P2RY14: variants seen among roughly 807,000 people sequenced by gnomAD.
The protein encoded by P2RY14 is P2Y purinoceptor 14.
Under a neutral mutation model 0.9 loss-of-function variants are expected in P2RY14, and 2 were observed. The ratio of observed to expected loss-of-function variants is 2.16; its 90% confidence interval spans 0.88 to 6.79. The LOEUF (loss-of-function observed/expected upper bound fraction) is 6.79. P2RY14 is among the 30% of genes most tolerant of loss of function. P2RY14 has a pLI of 0.05. For synonymous variants in P2RY14, 158 were observed against 147.2 expected (o/e 1.07, Z -0.53); for missense variants, 378 against 400.1 (o/e 0.94, Z 0.47).
chr3:151,275,680 G>T, intron 1 of P2RY14, among the ~76,000 whole-genome samples: 1 of 152,046 alleles, frequency 6.6e-6, no homozygotes, highest in East Asian at 1.9e-4. Context: ...AGGGTGCTAG[G>T]GAGGAAAAGA....
chr3:151,262,786 A>G (rs1010053333), intron 1 of P2RY14, among the ~76,000 whole-genome samples: 1 of 152,172 alleles, frequency 6.6e-6, no homozygotes, highest in Admixed American at 6.5e-5. Context: ...ATTGTATGCC[A>G]GATACTGTTC....
At chr3:151,235,486 A>T (rs921889604) in intron 1 of P2RY14, among the ~76,000 whole-genome samples, 1 of 152,152 alleles carries the variant, frequency 6.6e-6, no homozygotes, top group Non-Finnish European at 1.5e-5. Flanking sequence ...TGGGCAGATC[A>T]TGAGGTCAGG....
At chr3:151,225,491 A>AATACC in intron 1 of P2RY14, among the ~76,000 whole-genome samples, 1 of 152,246 alleles carries the variant, frequency 6.6e-6, no homozygotes, top group African/African-American at 2.4e-5. Flanking sequence ...AATACCATTA[A>AATACC]TTTGCTCACG....
chr3:151,267,329 G>C (rs1740031974), intron 1 of P2RY14, among the ~76,000 whole-genome samples: 1 of 152,182 alleles, frequency 6.6e-6, no homozygotes, highest in Admixed American at 6.5e-5. Context: ...AATACTTCAT[G>C]AGAAAAGGAA....
At chr3:151,250,135 TTCAC>T (rs1221392370) in intron 1 of P2RY14, among the ~76,000 whole-genome samples, 1 of 152,184 alleles carries the variant, frequency 6.6e-6, no homozygotes, top group Non-Finnish European at 1.5e-5. Flanking sequence ...CACTTTCCCA[TTCAC>T]TCTGTAATCT....
At chr3:151,257,505 G>C (rs80218899) in intron 1 of P2RY14, among the ~76,000 whole-genome samples, 3 of 152,248 alleles carry the variant, frequency 2.0e-5, no homozygotes, top group Admixed American at 2.0e-4. Context: ...CACCCTCATC[G>C]TTAGGAGAAT....
intron 1 of P2RY14, among the ~76,000 whole-genome samples, chr3:151,249,684 A>G (rs77876837): frequency 3.6e-4 from 55 of 152,248 alleles, no homozygotes; most frequent in East Asian, 1.4e-3. Flanking sequence ...TGGGTCTCCA[A>G]TCATTCTTCG....
chr3:151,269,355 G>A lies in P2RY14; in HGVS notation c.-133+8932C>T, dbSNP rs143136470. The A allele has an allele frequency of 5.7e-4, 94 of 163,842 alleles. No homozygotes were observed. In the East Asian group the frequency reaches 7.1e-3, roughly 12 times the overall value. The allele number at this position is 163,842 out of a possible 1,614,324, so 10.1% of individuals were successfully genotyped here. ...GTGGAGGTTGCAGTGACCTGAGATC[G>A]TGCCATTGCACTCCAGCCTGGGCAA... On this transcript the variant is annotated intron_variant, in intron 1 of 2. Transcript: ENST00000309170.
At chr3:151,260,143 G>A (rs1738586469) in intron 1 of P2RY14, among the ~76,000 whole-genome samples, 3 of 152,300 alleles carry the variant, frequency 2.0e-5, no homozygotes, top group Non-Finnish European at 4.4e-5. Context: ...GTGTGTTTCA[G>A]TTGTGGAAAG....
At chr3:151,233,522 TG>T (rs1470112759) in intron 1 of P2RY14, among the ~76,000 whole-genome samples, 2 of 151,892 alleles carry the variant, frequency 1.3e-5, no homozygotes, top group African/African-American at 4.8e-5. Flanking sequence ...TCACCTGAGG[TG>T]GGGAGTTTGA....
At chr3:151,254,689 G>A (rs901604281) in intron 1 of P2RY14, among the ~76,000 whole-genome samples, 10 of 152,168 alleles carry the variant, frequency 6.6e-5, no homozygotes, top group Admixed American at 4.6e-4. Flanking sequence ...TAAAACTTTC[G>A]CAGCATAGAT....
At chr3:151,228,963 C>T (rs1731074107) in intron 1 of P2RY14, among the ~76,000 whole-genome samples, 6 of 152,192 alleles carry the variant, frequency 3.9e-5, no homozygotes, top group Admixed American at 3.9e-4. Context: ...AAGCAGTACT[C>T]AGATCTGCAG....
At position 151,213,328 on chromosome 3, in the gene P2RY14, G is replaced by A. The variant is rs756408940; in HGVS notation, c.989C>T (p.Thr330Ile). 117 of 1,611,886 alleles carry A rather than the reference G, an allele frequency of 7.3e-5. No homozygotes were observed. The highest frequency in any genetic ancestry group is 9.4e-5 in the Non-Finnish European group (111 of 1,179,256). Residue 330 changes from threonine to isoleucine, a missense_variant, in exon 3 of 3, where the codon ACA becomes ATA. Thr to Ile is a moderately conservative substitution (Grantham distance 89). Coordinates refer to ENST00000309170, the MANE Select transcript of P2RY14 (RefSeq NM_014879.4). ...LDISRIKRGN[T>I]TLESTDTL ...CAAAGTATCTGTGCTTTCAAGTGTT[G>A]TATTTCCTCTTTTGATTCTGGAAAT...
At chr3:151,217,261 T>C (rs900435036) in intron 2 of P2RY14, among the ~76,000 whole-genome samples, 1 of 152,238 alleles carries the variant, frequency 6.6e-6, no homozygotes, top group African/African-American at 2.4e-5. Flanking sequence ...CCTTTTCTTA[T>C]AGAAACCCTT....
intron 1 of P2RY14, among the ~76,000 whole-genome samples, chr3:151,253,532 A>G (rs1046581485): frequency 1.3e-5 from 2 of 152,154 alleles, no homozygotes; most frequent in African/African-American, 4.8e-5. Context: ...CTTACTGAGA[A>G]TGAATGGTTT....
chr3:151,274,561 C>T (rs979074038), intron 1 of P2RY14, among the ~76,000 whole-genome samples: 2 of 152,210 alleles, frequency 1.3e-5, no homozygotes, highest in Non-Finnish European at 2.9e-5. Context: ...AACTAAGTAT[C>T]ATTTTTCATA....
At chr3:151,258,226 A>G (rs6440730) in intron 1 of P2RY14, among the ~76,000 whole-genome samples, 79,970 of 151,944 alleles carry the variant, frequency 0.53, 21,129 homozygotes, top group Middle Eastern at 0.62. Context: ...CTAGATGGGA[A>G]CTAGCTCGGG....
intron 1 of P2RY14, among the ~76,000 whole-genome samples, chr3:151,225,484 A>T (rs1183940726): frequency 6.6e-6 from 1 of 152,170 alleles, no homozygotes; most frequent in African/African-American, 2.4e-5. Flanking sequence ...CTGCAGTAAT[A>T]CCATTAATTT....
chr3:151,246,726 T>C (rs1391367446), intron 1 of P2RY14, among the ~76,000 whole-genome samples: 7 of 152,116 alleles, frequency 4.6e-5, no homozygotes, highest in Admixed American at 1.3e-4. Context: ...ACTTCATGTC[T>C]AAAACACCAA....
Sources: allele counts gnomAD v4.1 joint callset (sites outside exome capture counted in the v4.1 genomes callset), GRCh38; gene constraint gnomAD v4.1.1; transcripts MANE v1.5; gene names NCBI Gene and HGNC (gene_info 2026-07-23, HGNC 2026-07-21).